Variants in SLC24A4 observed in about 807,000 individuals in gnomAD.
SLC24A4 encodes the protein solute carrier family 24 member 4.
Under a neutral mutation model 79.0 loss-of-function variants are expected in SLC24A4, and 53 were observed. The observed-to-expected ratio is 0.67, with a 90% CI of 0.54 to 0.84. SLC24A4 has a LOEUF of 0.84. Among genes scored for constraint, SLC24A4 ranks in the 40% least tolerant of loss-of-function variants. SLC24A4 has a pLI of 0.00. For synonymous variants in SLC24A4, 323 were observed against 323.8 expected (o/e 1.00, Z 0.03); for missense variants, 731 against 822.0 (o/e 0.89, Z 1.35).
intron 13 of SLC24A4, among the ~76,000 whole-genome samples, chr14:92,485,320 C>T (rs751697148): frequency 3.9e-5 from 6 of 151,978 alleles, no homozygotes; most frequent in Non-Finnish European, 2.9e-5. Context: ...AAAAAATTAG[C>T]CAGGTGTGGT....
chr14:92,416,122 G>GGTGTGTGTGT (rs34411259), intron 2 of SLC24A4, among the ~76,000 whole-genome samples: 197 of 148,008 alleles, frequency 1.3e-3, no homozygotes, highest in African/African-American at 4.5e-3. Context: ...TTGTGTGTGT[G>GGTGTGTGTGT]GTGTGTGTGT....
intron 13 of SLC24A4, 71 bp from the exon 14 acceptor site, chr14:92,486,595 A>G: frequency 2.1e-6 from 2 of 941,338 alleles, no homozygotes; most frequent in South Asian, 1.4e-5. Flanking sequence ...CAGTGTCTCT[A>G]ATACTAGGAA....
At chr14:92,424,368 G>A (rs2139766013) in intron 2 of SLC24A4, among the ~76,000 whole-genome samples, 1 of 152,284 alleles carries the variant, frequency 6.6e-6, no homozygotes, top group East Asian at 1.9e-4. Context: ...AACACCTGAG[G>A]CTGCATAATG....
chr14:92,453,985 T>C lies in SLC24A4; in HGVS notation c.966T>C (p.Pro322=). The part of the protein sequence containing the change: ...MSSSPPKFTF[P]EAGLRIMITN... ...CCAGCCCTCCCAAGTTCACCTTCCC[T>C]GAAGCAGGCTTACGAATCATGATCA... Residue 322 remains proline (P), a synonymous_variant, in exon 11 of 17, where the codon CCT becomes CCC. Transcript: ENST00000532405. The C allele has an allele frequency of 6.2e-7, 1 of 1,613,842 alleles. No homozygotes were observed. Among genetic ancestry groups the C allele is most frequent in the Non-Finnish European group, 8.5e-7 (1 of 1,179,858 alleles).
chr14:92,414,415 A>G (rs767840998), intron 2 of SLC24A4, among the ~76,000 whole-genome samples: 1 of 152,180 alleles, frequency 6.6e-6, no homozygotes, highest in Non-Finnish European at 1.5e-5. Flanking sequence ...TATTTGACCA[A>G]TATGATTGTC....
intron 2 of SLC24A4, among the ~76,000 whole-genome samples, chr14:92,358,695 CTTTT>C (rs749108837): frequency 7.6e-6 from 1 of 130,874 alleles, no homozygotes; most frequent in Non-Finnish European, 1.6e-5. Context: ...CACATCTACT[CTTTT>C]TTTTTTTTTT....
At chr14:92,329,495 T>A (rs560962874) in intron 2 of SLC24A4, among the ~76,000 whole-genome samples, 1 of 152,248 alleles carries the variant, frequency 6.6e-6, no homozygotes, top group Admixed American at 6.5e-5. Flanking sequence ...CACCCCTCCC[T>A]TCCCTTCCCC....
At chr14:92,446,888 G>A (rs1892826531) in intron 8 of SLC24A4, among the ~76,000 whole-genome samples, 1 of 152,108 alleles carries the variant, frequency 6.6e-6, no homozygotes, top group Admixed American at 6.5e-5. Flanking sequence ...GGCCTGGGAG[G>A]CTCCTGTGCC....
chr14:92,489,336 G>C (rs936152529), intron 14 of SLC24A4, among the ~76,000 whole-genome samples: 1 of 152,154 alleles, frequency 6.6e-6, no homozygotes, highest in African/African-American at 2.4e-5. Context: ...CTACTCGGGA[G>C]GCTGAGGCAG....
At chr14:92,347,687 G>A (rs1265191788) in intron 2 of SLC24A4, among the ~76,000 whole-genome samples, 1 of 152,184 alleles carries the variant, frequency 6.6e-6, no homozygotes, top group Non-Finnish European at 1.5e-5. Flanking sequence ...CCAGCACTTT[G>A]GGAGGGCGAG....
intron 12 of SLC24A4, among the ~76,000 whole-genome samples, chr14:92,480,960 C>A (rs1895036072): frequency 6.6e-6 from 1 of 152,166 alleles, no homozygotes; most frequent in African/African-American, 2.4e-5. Flanking sequence ...ACTGAAGTCT[C>A]TGCTAGGTTA....
intron 2 of SLC24A4, among the ~76,000 whole-genome samples, chr14:92,394,047 G>A (rs1253010799): frequency 1.3e-5 from 2 of 149,978 alleles, no homozygotes; most frequent in African/African-American, 4.9e-5. Flanking sequence ...GTTTTGCTAT[G>A]TTGCCCAGGC....
rs1203663794 is a variant in SLC24A4 at position 92,482,682 on chromosome 14, G to T, written c.1258G>T (p.Ala420Ser). Residue 420 changes from alanine (A) to serine (S), a missense_variant and splice_region_variant, in exon 13 of 17, where the codon GCC (alanine) becomes TCC (serine). Physicochemically the swap from Ala to Ser is moderately conservative, Grantham distance 99. Coordinates refer to ENST00000532405, the MANE Select transcript of SLC24A4 (RefSeq NM_153646.4). ...DFLSPFSVPE[A>S]RGDKVKWVFT... ...CACTCTGCCCCTTCACCCTGCAGAG[G>T]CCAGAGGGGACAAGGTCAAGTGGGT... 6.2e-7 allele frequency: 1 copy of T among 1,611,870 alleles called. No individual in the cohort carries two copies.
At position 92,456,396 on chromosome 14, in the gene SLC24A4, C is replaced by G. The variant is rs1309109865; in HGVS notation, c.1051-8C>G. ...CCTTGGTGTCCATGTTGCCTCCTGT[C>G]CACACAGCGGCAGAGACTGATCAAC... is the stretch of plus-strand genomic sequence containing the variant. On this transcript the variant is annotated splice_polypyrimidine_tract_variant and splice_region_variant and intron_variant, in intron 11 of 16. Coordinates refer to ENST00000532405, the MANE Select transcript of SLC24A4 (RefSeq NM_153646.4). 1.2e-6 allele frequency: 2 copies of G among 1,614,130 alleles called. No individual in the cohort carries two copies. Among genetic ancestry groups the G allele is most frequent in the Admixed American group, 1.7e-5 (1 of 60,024 alleles).
At chr14:92,352,347 A>G (rs566640389) in intron 2 of SLC24A4, among the ~76,000 whole-genome samples, 5 of 152,314 alleles carry the variant, frequency 3.3e-5, no homozygotes, top group African/African-American at 1.2e-4. Flanking sequence ...GGCAGGTGCA[A>G]AGGCCCTGAG....
chr14:92,372,935 C>T (rs201578693), intron 2 of SLC24A4, among the ~76,000 whole-genome samples: 13 of 97,880 alleles, frequency 1.3e-4, no homozygotes, highest in African/African-American at 4.6e-4. Context: ...CTCTTTCTTT[C>T]TTTTTCTCTC....
chr14:92,401,745 C>G, intron 2 of SLC24A4, among the ~76,000 whole-genome samples: 1 of 152,150 alleles, frequency 6.6e-6, no homozygotes, highest in East Asian at 1.9e-4. Context: ...GCTGCTGTTT[C>G]CGCAGTGCCC....
intron 2 of SLC24A4, among the ~76,000 whole-genome samples, chr14:92,379,574 C>T (rs374692767): frequency 4.6e-5 from 7 of 152,126 alleles, no homozygotes; most frequent in African/African-American, 1.4e-4. Context: ...TCCTCTCTGG[C>T]GTCTCCCCTT....
rs571607551 is a variant in SLC24A4, at chr14:92,498,041, C to G, written c.*4413C>G. 1 of 152,348 alleles carries G rather than the reference C, an allele frequency of 6.6e-6. No individual in the cohort carries two copies. Among genetic ancestry groups the G allele is most frequent in the East Asian group, 1.9e-4 (1 of 5,180 alleles). 9.4% of individuals were successfully genotyped at this position (152,348 alleles called of 1,614,324 possible). On this transcript the variant is annotated 3_prime_UTR_variant, in exon 17 of 17. Coordinates refer to ENST00000532405, the MANE Select transcript of SLC24A4 (RefSeq NM_153646.4). ...GAGTACGTGGGGCACGTGAGGTGGTCCTCCTTTCAGCACACCGTGCCCATA... is the reference window on the plus strand; with the variant it reads ...GAGTACGTGGGGCACGTGAGGTGGTGCTCCTTTCAGCACACCGTGCCCATA...
Sources: allele counts gnomAD v4.1 joint callset (sites outside exome capture counted in the v4.1 genomes callset), GRCh38; gene constraint gnomAD v4.1.1; transcripts MANE v1.5; gene names NCBI Gene and HGNC (gene_info 2026-07-23, HGNC 2026-07-21).